Variants in TRIM24 observed in about 807,000 individuals in gnomAD.
TRIM24 encodes the protein transcription intermediary factor 1-alpha.
A neutral mutation model predicts 123.9 loss-of-function variants in TRIM24; 29 were observed. The ratio of observed to expected loss-of-function variants is 0.23; its 90% CI spans 0.17 to 0.32. The LOEUF is 0.32. Ranked by LOEUF, TRIM24 falls within the 10% of genes least tolerant of loss-of-function variation. The pLI is 1.00. For missense variants in TRIM24, 932 were observed against 1,295.3 expected (o/e 0.72, Z 4.31); for synonymous variants, 456 against 461.1 (o/e 0.99, Z 0.14).
intron 7 of TRIM24, 56 bp downstream of exon 7, chr7:138,538,859 G>T: frequency 4.1e-6 from 6 of 1,456,218 alleles, no homozygotes; most frequent in Non-Finnish European, 5.6e-6. Flanking sequence ...AAACAATGGA[G>T]CCATTGTAAT....
At chr7:138,550,238 G>C (rs1797182612) in intron 7 of TRIM24, among the ~76,000 whole-genome samples, 1 of 151,890 alleles carries the variant, frequency 6.6e-6, no homozygotes, top group South Asian at 2.1e-4. Context: ...ATTTAACCAG[G>C]GTAGGTTGTT....
At position 138,496,280 on chromosome 7, in the gene TRIM24, A is replaced by G. The variant is rs111388631; in HGVS notation, c.365-8010A>G. Among the ~76,000 whole-genome samples the G allele has an allele frequency of 8.5e-3, 1,297 of 152,238 alleles. 15 individuals are homozygous for G. Among genetic ancestry groups the G allele is most frequent in the South Asian group, 0.046 (223 of 4,822 alleles). ...CTTTAATCTTCATTTTGTGGTTTTT[A>G]CTATACATGTCCTGCATATCTTTGG... On this transcript the variant is annotated intron_variant, in intron 1 of 18. Transcript: ENST00000343526.
chr7:138,576,323 A>G (rs1352382678), intron 12 of TRIM24, 50 bp from the exon 13 acceptor site: 17 of 1,535,764 alleles, frequency 1.1e-5, no homozygotes, highest in East Asian at 2.2e-5. Context: ...CAGGACTTCA[A>G]TGCATAATTA....
chr7:138,490,417 T>C (rs968099326), intron 1 of TRIM24, among the ~76,000 whole-genome samples: 3 of 152,236 alleles, frequency 2.0e-5, no homozygotes, highest in African/African-American at 7.2e-5. Context: ...TGCGATCTTT[T>C]GGAGAAGAGG....
At chr7:138,474,980 A>T (rs1434418412) in intron 1 of TRIM24, among the ~76,000 whole-genome samples, 1 of 152,218 alleles carries the variant, frequency 6.6e-6, no homozygotes, top group South Asian at 2.1e-4. Context: ...CACCCTAACA[A>T]TGTAGGTATA....
intron 11 of TRIM24, among the ~76,000 whole-genome samples, chr7:138,571,766 G>A (rs538467527): frequency 6.6e-6 from 1 of 152,128 alleles, no homozygotes; most frequent in African/African-American, 2.4e-5. Context: ...TGGGGGAGAC[G>A]CCCTATGTTA....
chr7:138,516,134 C>T (rs896887125), intron 3 of TRIM24, among the ~76,000 whole-genome samples: 1 of 152,080 alleles, frequency 6.6e-6, no homozygotes, highest in Non-Finnish European at 1.5e-5. Flanking sequence ...CCCGTCTGTA[C>T]TAAAAACATA....
chr7:138,517,434 G>T (rs1584714049), intron 3 of TRIM24, among the ~76,000 whole-genome samples: 1 of 151,884 alleles, frequency 6.6e-6, no homozygotes, highest in African/African-American at 2.4e-5. Context: ...GCAGTGGTGC[G>T]ATCTCAGCTC....
intron 1 of TRIM24, among the ~76,000 whole-genome samples, chr7:138,484,465 G>C (rs11976614): frequency 6.6e-6 from 1 of 150,728 alleles, no homozygotes; most frequent in Non-Finnish European, 1.5e-5. Context: ...AAGCATAATT[G>C]TTCCTTTAAT....
intron 1 of TRIM24, among the ~76,000 whole-genome samples, chr7:138,501,419 C>T (rs533095393): frequency 5.3e-5 from 8 of 151,762 alleles, no homozygotes; most frequent in East Asian, 3.9e-4. Context: ...TTAGTAGAGA[C>T]GGGGTTTCCC....
intron 4 of TRIM24, among the ~76,000 whole-genome samples, chr7:138,519,768 A>T (rs1209552204): frequency 6.6e-6 from 1 of 152,128 alleles, no homozygotes; most frequent in Non-Finnish European, 1.5e-5. Flanking sequence ...TTTTTTGAGA[A>T]AACGGAAGCT....
chr7:138,507,034 G>A (rs1038334876), intron 2 of TRIM24, among the ~76,000 whole-genome samples: 4 of 152,140 alleles, frequency 2.6e-5, no homozygotes, highest in South Asian at 2.1e-4. Flanking sequence ...GATAAAGTGG[G>A]TGGGAGTTAG....
At position 138,554,604 on chromosome 7, in the gene TRIM24, C is replaced by T; in HGVS notation, c.1262-94C>T. 7.2e-7 allele frequency: 1 copy of T among 1,379,592 alleles called. No homozygotes were observed. The highest frequency in any genetic ancestry group is 9.9e-7 in the Non-Finnish European group (1 of 1,007,438). The allele number at this position is 1,379,592 out of a possible 1,614,324, so 85.5% of individuals were successfully genotyped here. On this transcript the variant is annotated intron_variant, in intron 8 of 18. Transcript: ENST00000343526. The surrounding 1 kb of genome is among the most constrained non-coding windows in gnomAD (Gnocchi z 4.5). ...CTCATGAGATCAGAGAATTTCTTGG[C>T]AATTTTGAAGTTCTGCAAAAATAGC... is the stretch of plus-strand genomic sequence containing the variant.
Position 138,460,568 on chromosome 7 carries a change from A to T in TRIM24, c.20A>T (p.Lys7Met). The change falls in exon 1 of 19, where the codon AAG becomes ATG. Residue 7 changes from lysine (K) to methionine (M), a missense_variant. By Grantham distance (95) the Lys-to-Met change is moderately conservative. Transcript: ENST00000343526. ...AGGACAATGGAGGTGGCGGTGGAGA[A>T]GGCGGTGGCGGCGGCGGCAGCGGCC... MEVAVE[K>M]AVAAAAAASA... is the part of the protein sequence containing the mutation. 7.6e-7 allele frequency: 1 copy of T among 1,310,880 alleles called. No individual in the cohort carries two copies. Among genetic ancestry groups the T allele is most frequent in the Non-Finnish European group, 9.6e-7 (1 of 1,040,352 alleles). The allele number at this position is 1,310,880 out of a possible 1,614,324, so 81.2% of individuals were successfully genotyped here.
At chr7:138,516,434 C>G (rs1036267278) in intron 3 of TRIM24, among the ~76,000 whole-genome samples, 1 of 152,222 alleles carries the variant, frequency 6.6e-6, no homozygotes, top group Non-Finnish European at 1.5e-5. Flanking sequence ...GGCACGATCT[C>G]AGCTCACTGC....
At chr7:138,472,138 A>T (rs1381611581) in intron 1 of TRIM24, among the ~76,000 whole-genome samples, 1 of 152,106 alleles carries the variant, frequency 6.6e-6, no homozygotes, top group African/African-American at 2.4e-5. Flanking sequence ...AGTTTAGACA[A>T]CTCTGAAGTG....
chr7:138,530,072 G>A (rs1796697621), intron 6 of TRIM24, among the ~76,000 whole-genome samples: 1 of 152,056 alleles, frequency 6.6e-6, no homozygotes, highest in Non-Finnish European at 1.5e-5. Flanking sequence ...TTCTGGGAAA[G>A]CATGGTCATT....
chr7:138,525,212 T>C (rs1796583919), intron 4 of TRIM24, 29 bp from the exon 5 acceptor site: 7 of 1,074,016 alleles, frequency 6.5e-6, no homozygotes, highest in Non-Finnish European at 9.2e-6. Flanking sequence ...TGTATATTTT[T>C]ATATGAAATA....
At chr7:138,569,173 T>C (rs746454876) in intron 10 of TRIM24, among the ~76,000 whole-genome samples, 1 of 152,208 alleles carries the variant, frequency 6.6e-6, no homozygotes, top group Non-Finnish European at 1.5e-5. Context: ...TGCAGAGTTA[T>C]GTTGAGAGTT....
Sources: gnomAD v4.1 joint callset for allele counts (sites outside exome capture counted in the v4.1 genomes callset) on GRCh38, gnomAD v4.1.1 for gene constraint, Gnocchi (gnomAD v3.1) non-coding constraint, MANE v1.5 for transcripts, NCBI Gene and HGNC (gene_info 2026-07-23, HGNC 2026-07-21) for gene names.